SLC38A10: variants seen among roughly 807,000 people sequenced by gnomAD.
The protein encoded by SLC38A10 is solute carrier family 38 member 10, also known as Sodium-coupled neutral amino acid transporter 10.
Under a neutral mutation model 81.0 loss-of-function variants are expected in SLC38A10, and 53 were observed. The ratio of observed to expected loss-of-function variants is 0.65; its 90% confidence interval spans 0.53 to 0.82. The LOEUF is 0.82. SLC38A10 is among the 40% of genes least tolerant of loss of function. The probability of loss-of-function intolerance (pLI) is 0.00; values close to 1 mark genes in which losing one functional copy is unlikely to be tolerated. For missense variants in SLC38A10, 1,471 were observed against 1,545.0 expected (o/e 0.95, Z 0.80); for synonymous variants, 665 against 655.3 (o/e 1.01, Z -0.23).
At chr17:81,293,478 G>GT (rs143962907) in intron 1 of SLC38A10, among the ~76,000 whole-genome samples, 20,340 of 148,952 alleles carry the variant, frequency 0.14, 1,867 homozygotes, top group Non-Finnish European at 0.21. Context: ...AAAAAAAGTT[G>GT]TTTTTTTTTT....
chr17:81,270,819 C>T lies in SLC38A10; in HGVS notation c.1131+99G>A, dbSNP rs1598394681. 1.0e-6 allele frequency: 1 copy of T among 960,440 alleles called. No homozygotes were observed. The highest frequency in any genetic ancestry group is 2.5e-5 in the East Asian group (1 of 40,500). The allele number at this position is 960,440 out of a possible 1,614,324, so 59.5% of individuals were successfully genotyped here. On this transcript the variant is annotated intron_variant, in intron 10 of 15. Transcript: ENST00000374759. This position sits in a 1 kb window ranked among gnomAD's most constrained non-coding sequence, Gnocchi z 4.0. Reference sequence around the variant, plus strand: ...GGGTTTTAAGTTTCTTGATAGAACCCATCTGAAAACGCTGAACCAGGGGCT... The same window carrying T: ...GGGTTTTAAGTTTCTTGATAGAACCTATCTGAAAACGCTGAACCAGGGGCT...
At chr17:81,268,762 A>T (rs2063090919) in intron 10 of SLC38A10, among the ~76,000 whole-genome samples, 1 of 142,966 alleles carries the variant, frequency 7.0e-6, no homozygotes, top group Non-Finnish European at 1.5e-5. Flanking sequence ...TATGAGACAA[A>T]TAATAGGACA....
intron 10 of SLC38A10, among the ~76,000 whole-genome samples, chr17:81,261,740 C>T (rs111767393): frequency 0.076 from 11,558 of 152,284 alleles, 439 homozygotes; most frequent in East Asian, 0.13. Context: ...TGGGCTCCGC[C>T]GAAGGGAGCC....
At position 81,260,397 on chromosome 17, in the gene SLC38A10, G is replaced by A. The variant is rs2063011339; in HGVS notation, c.1132-3C>T. The A allele has an allele frequency of 6.2e-7, 1 of 1,610,156 alleles. No individual in the cohort carries two copies. Among genetic ancestry groups the A allele is most frequent in the Non-Finnish European group, 8.5e-7 (1 of 1,178,640 alleles). On this transcript the variant is annotated splice_region_variant and splice_polypyrimidine_tract_variant and intron_variant, in intron 10 of 15. Coordinates refer to ENST00000374759, the MANE Select transcript of SLC38A10 (RefSeq NM_001037984.3). Reference sequence around the variant, plus strand: ...CCCAGGCCGACCCACAGCACCACCTGAGGAGACAAAGACCCCAGGGGCGGG... The same window carrying A: ...CCCAGGCCGACCCACAGCACCACCTAAGGAGACAAAGACCCCAGGGGCGGG...
rs567750840 is a variant in SLC38A10 at position 81,246,154 on chromosome 17, G to C, written c.2762C>G (p.Thr921Arg). ...NWLVAGPGAETGDPRMKPKQV... is the reference protein window; with the variant it reads ...NWLVAGPGAERGDPRMKPKQV... ...CTTGGGCTTCATGCGAGGGTCCCCC[G>C]TCTCTGCTCCTGGCCCTGCCACGAG... Residue 921 changes from threonine to arginine, a missense_variant, in exon 16 of 16, where the codon ACG (threonine) becomes AGG (arginine). Transcript: ENST00000374759. 1.2e-6 allele frequency: 2 copies of C among 1,611,304 alleles called. No homozygotes were observed. The highest frequency in any genetic ancestry group is 1.7e-6 in the Non-Finnish European group (2 of 1,179,888).
Position 81,252,212 on chromosome 17 carries a change from G to T in SLC38A10, c.1928C>A (p.Ala643Glu). The change falls in exon 13 of 16, where the codon GCA (alanine) becomes GAA (glutamate). Residue 643 changes from alanine (A) to glutamate (E), a missense_variant. Around this residue, in one of 2 missense-constraint regions of SLC38A10, gnomAD observed 751 missense variants for 717.4 expected, o/e 1.05. Transcript: ENST00000374759. Reference sequence around the variant, plus strand: ...ACACCCACCGTGGTCGCTGTCCTCTGCGGGCTGCCCTGTGTCCCCGGCGGC... The same window carrying T: ...ACACCCACCGTGGTCGCTGTCCTCTTCGGGCTGCCCTGTGTCCCCGGCGGC... ...GNAAGDTGQP[A>E]EDSDHGGKPP... 2 of 1,520,716 alleles carry T rather than the reference G, an allele frequency of 1.3e-6. No individual in the cohort carries two copies. Among genetic ancestry groups the T allele is most frequent in the South Asian group, 1.3e-5 (1 of 77,472 alleles). The allele number at this position is 1,520,716 out of a possible 1,614,324, so 94.2% of individuals were successfully genotyped here. A position where few individuals can be genotyped will look rare whatever the true frequency, so the allele number is the denominator to read the frequency against.
In SLC38A10 at chr17:81,250,971, G is replaced by A. The variant is rs779947917; in HGVS notation, c.2065+522C>T. The A allele has an allele frequency of 8.3e-6, 11 of 1,322,534 alleles. No individual in the cohort carries two copies. In the Admixed American group the frequency reaches 1.5e-4, roughly 18 times the overall value. The allele number at this position is 1,322,534 out of a possible 1,614,324, so 81.9% of individuals were successfully genotyped here. A position where few individuals can be genotyped will look rare whatever the true frequency, so the allele number is the denominator to read the frequency against. On this transcript the variant is annotated intron_variant, in intron 14 of 15. Coordinates refer to ENST00000374759, the MANE Select transcript of SLC38A10 (RefSeq NM_001037984.3). ...CAGATCCCTGTAGATGAACACAGCCGAGCTCCGAGGCCCGAGGGTGTGGGA... is the reference window on the plus strand; with the variant it reads ...CAGATCCCTGTAGATGAACACAGCCAAGCTCCGAGGCCCGAGGGTGTGGGA...
intron 14 of SLC38A10, chr17:81,251,206 GCAGGTGTTTTAAAGGGGAGCA>G: frequency 3.2e-6 from 5 of 1,545,916 alleles, no homozygotes; most frequent in Non-Finnish European, 4.4e-6. Context: ...TGACAATGCC[GCAGGTGTTTTAAAGGGGAGCA>G]AGGGAGATAA....
In SLC38A10 at chr17:81,283,088, A is replaced by T. The variant is rs1236571992; in HGVS notation, c.357+321T>A. Among the ~76,000 whole-genome samples the T allele has an allele frequency of 6.6e-6, 1 of 152,098 alleles. No individual in the cohort carries two copies. Among genetic ancestry groups the T allele is most frequent in the Admixed American group, 6.5e-5 (1 of 15,280 alleles). On this transcript the variant is annotated intron_variant, in intron 4 of 15. Transcript: ENST00000374759. This position sits in a 1 kb window ranked among gnomAD's most constrained non-coding sequence, Gnocchi z 4.7. ...TGACCATGGAGGCCGGGGATGCCTG[A>T]GGGCCTGGCCGCCTCTGCCCTCCAA...
At chr17:81,251,042 C>T (rs2062905625) in intron 14 of SLC38A10, 1 of 1,432,416 alleles carries the variant, frequency 7.0e-7, no homozygotes, top group Admixed American at 3.1e-5. Flanking sequence ...GCGGGCACAG[C>T]CACCCCCAAA....
At position 81,288,014 on chromosome 17, in the gene SLC38A10, G is replaced by A. The variant is rs1054410942; in HGVS notation, c.217+1677C>T. Among the ~76,000 whole-genome samples the A allele has an allele frequency of 3.3e-5, 5 of 152,230 alleles. No individual in the cohort carries two copies. The highest frequency in any genetic ancestry group is 7.3e-5 in the Non-Finnish European group (5 of 68,046). On this transcript the variant is annotated intron_variant, in intron 2 of 15. Coordinates refer to ENST00000374759, the MANE Select transcript of SLC38A10 (RefSeq NM_001037984.3). The surrounding 1 kb of genome is among the most constrained non-coding windows in gnomAD (Gnocchi z 5.4). ...GCATCTTTCAGCCCAAGTTGCATTAGGCCATCTCACTGTGGATCAAACTTA... is the reference window on the plus strand; with the variant it reads ...GCATCTTTCAGCCCAAGTTGCATTAAGCCATCTCACTGTGGATCAAACTTA...
chr17:81,255,290 T>G (rs2062961652), intron 11 of SLC38A10, among the ~76,000 whole-genome samples: 2 of 152,276 alleles, frequency 1.3e-5, no homozygotes, highest in Admixed American at 6.5e-5. Flanking sequence ...GCTCTGCAGC[T>G]GTCTGCGGGC....
chr17:81,251,683 G>A, intron 13 of SLC38A10, 71 bp from the exon 14 acceptor site: 1 of 1,421,964 alleles, frequency 7.0e-7, no homozygotes. Context: ...TTGGGGGACA[G>A]AAGGCAAGGG....
intron 1 of SLC38A10, among the ~76,000 whole-genome samples, chr17:81,294,092 CAACCTTCGGCTCATTGA>C (rs2063330369): frequency 6.6e-6 from 1 of 152,226 alleles, no homozygotes; most frequent in East Asian, 1.9e-4. Context: ...CGGCTCACTG[CAACCTTCGGCTCATTGA>C]AACCTTCGCC....
In SLC38A10 at chr17:81,246,333, TGGCACG is replaced by T. The variant is rs763257324; in HGVS notation, c.2577_2582del (p.Val860_Pro861del). Reference sequence around the variant, plus strand: ...GGCCCCCGGCTTCCCTGGCGGGGTCTGGCACGGGCACCTGCTCCGGGCCCTTGGGGA... The same window carrying T: ...GGCCCCCGGCTTCCCTGGCGGGGTCTGGCACCTGCTCCGGGCCCTTGGGGA... On this transcript the variant is annotated inframe_deletion, in exon 16 of 16. Transcript: ENST00000374759. 5.5e-5 allele frequency: 89 copies of T among 1,608,726 alleles called. No individual in the cohort carries two copies. In the East Asian group the frequency reaches 2.0e-3, roughly 35 times the overall value.
At chr17:81,251,009 G>C in intron 14 of SLC38A10, 1 of 1,400,720 alleles carries the variant, frequency 7.1e-7, no homozygotes, top group Non-Finnish European at 9.2e-7. Context: ...AGTGCTCTGG[G>C]CCAGGGCTAT....
At chr17:81,278,573 G>A (rs35602265) in intron 6 of SLC38A10, among the ~76,000 whole-genome samples, 34,006 of 152,044 alleles carry the variant, frequency 0.22, 4,557 homozygotes, top group African/African-American at 0.37. Flanking sequence ...GAGCTAAGTG[G>A]CCAACGCCTG....
At chr17:81,257,694 G>A (rs922858728) in intron 11 of SLC38A10, among the ~76,000 whole-genome samples, 1 of 152,222 alleles carries the variant, frequency 6.6e-6, no homozygotes, top group African/African-American at 2.4e-5. Context: ...ACGACCCGTC[G>A]ACACCCAGCA....
chr17:81,245,622 C>T lies in SLC38A10; in HGVS notation c.3294G>A (p.Gly1098=), dbSNP rs749882333. 1.9e-6 allele frequency: 3 copies of T among 1,612,284 alleles called. No homozygotes were observed. Among genetic ancestry groups the T allele is most frequent in the Non-Finnish European group, 2.5e-6 (3 of 1,179,784 alleles). ...GGCTGTGGACCACCTGCAGAGCTCCCCCCGCAGCCTGGCGGAGCTGGGCAT... is the reference window on the plus strand; with the variant it reads ...GGCTGTGGACCACCTGCAGAGCTCCTCCCGCAGCCTGGCGGAGCTGGGCAT... ...ALDAQLRQAA[G]GALQVVHSRQ... is the part of the protein sequence containing the mutation. Residue 1098 remains glycine (G), a synonymous_variant, in exon 16 of 16, where the codon GGG becomes GGA. Transcript: ENST00000374759.
Sources: gnomAD v4.1 joint callset for allele counts (sites outside exome capture counted in the v4.1 genomes callset) on GRCh38, gnomAD v4.1.1 for gene constraint, gnomAD v4.1.1 regional missense constraint, Gnocchi (gnomAD v3.1) non-coding constraint, MANE v1.5 for transcripts, NCBI Gene and HGNC (gene_info 2026-07-23, HGNC 2026-07-21) for gene names.